RALYL: variants seen among roughly 807,000 people sequenced by gnomAD.
The protein encoded by RALYL is RNA-binding Raly-like protein.
A neutral mutation model predicts 35.1 loss-of-function variants in RALYL; 29 were observed. The ratio of observed to expected loss-of-function variants is 0.83; its 90% CI spans 0.61 to 1.13. The LOEUF (loss-of-function observed/expected upper bound fraction) is 1.13, where lower values mean the gene tolerates loss of function less well. Among genes scored for constraint, RALYL ranks in the 50% most tolerant of loss-of-function variants. The pLI is 0.00. For missense variants in RALYL, 359 were observed against 360.4 expected (o/e 1.00, Z 0.03); for synonymous variants, 120 against 127.6 (o/e 0.94, Z 0.40).
intron 1 of RALYL, among the ~76,000 whole-genome samples, chr8:84,494,648 T>A (rs1026405573): frequency 1.3e-5 from 2 of 152,116 alleles, no homozygotes; most frequent in South Asian, 4.1e-4. Flanking sequence ...TATTTTATTC[T>A]CTTTGTAGCA....
intron 1 of RALYL, among the ~76,000 whole-genome samples, chr8:84,294,267 T>G (rs1839337375): frequency 6.6e-6 from 1 of 152,158 alleles, no homozygotes; most frequent in Non-Finnish European, 1.5e-5. Context: ...GAATTGTGCT[T>G]ATCTAAGTAC....
chr8:84,643,312 A>G (rs528735184), intron 2 of RALYL, among the ~76,000 whole-genome samples: 1 of 152,140 alleles, frequency 6.6e-6, no homozygotes, highest in East Asian at 1.9e-4. Flanking sequence ...CTAAATAGAG[A>G]AGAGCCCCAG....
chr8:84,448,273 G>A (rs999474141), intron 1 of RALYL, among the ~76,000 whole-genome samples: 1 of 151,946 alleles, frequency 6.6e-6, no homozygotes, highest in Non-Finnish European at 1.5e-5. Flanking sequence ...AGGTGTACAA[G>A]CATGAATGAG....
intron 1 of RALYL, chr8:84,185,256 T>G (rs984818465): frequency 5.4e-6 from 3 of 557,710 alleles, no homozygotes; most frequent in Non-Finnish European, 9.6e-6. Context: ...TGCCTTTTAT[T>G]TAAATTTTGT....
At chr8:84,629,008 C>A (rs1210444044) in intron 2 of RALYL, among the ~76,000 whole-genome samples, 1 of 151,944 alleles carries the variant, frequency 6.6e-6, no homozygotes, top group African/African-American at 2.4e-5. Flanking sequence ...GCCTGATTGA[C>A]TCAGCAAAAA....
chr8:84,898,389 G>C (rs1448901879), intron 8 of RALYL, among the ~76,000 whole-genome samples: 1 of 152,108 alleles, frequency 6.6e-6, no homozygotes, highest in Non-Finnish European at 1.5e-5. Context: ...AATGACAGGG[G>C]CCACAAGCCA....
chr8:84,334,692 A>C (rs1442067436), intron 1 of RALYL, among the ~76,000 whole-genome samples: 1 of 152,062 alleles, frequency 6.6e-6, no homozygotes, highest in Non-Finnish European at 1.5e-5. Context: ...CCTAATCCAC[A>C]ATCCAATCCA....
At chr8:84,379,449 C>A (rs897987020) in intron 1 of RALYL, among the ~76,000 whole-genome samples, 3 of 151,762 alleles carry the variant, frequency 2.0e-5, no homozygotes, top group Admixed American at 2.0e-4. Context: ...TACTTTCTAG[C>A]ATTCATATTA....
At chr8:84,293,897 A>C (rs1206372746) in intron 1 of RALYL, among the ~76,000 whole-genome samples, 1 of 151,132 alleles carries the variant, frequency 6.6e-6, no homozygotes, top group Non-Finnish European at 1.5e-5. Flanking sequence ...CTTATGTATG[A>C]AATTCAGTTT....
chr8:84,882,296 G>A (rs1018929422), intron 7 of RALYL, among the ~76,000 whole-genome samples: 1 of 151,974 alleles, frequency 6.6e-6, no homozygotes, highest in Non-Finnish European at 1.5e-5. Context: ...AAAGATGCCA[G>A]TGTTCGAAGG....
intron 2 of RALYL, among the ~76,000 whole-genome samples, chr8:84,742,049 T>C (rs1198844544): frequency 6.6e-6 from 1 of 151,872 alleles, no homozygotes; most frequent in Non-Finnish European, 1.5e-5. Context: ...AAAGAAAAGT[T>C]TGTGGTCATA....
intron 2 of RALYL, among the ~76,000 whole-genome samples, chr8:84,641,283 C>T (rs1826260263): frequency 6.6e-6 from 1 of 151,484 alleles, no homozygotes; most frequent in African/African-American, 2.4e-5. Context: ...CATAAGAATA[C>T]AACTTACAGA....
chr8:84,325,328 A>C (rs753936733), intron 1 of RALYL, among the ~76,000 whole-genome samples: 15 of 152,234 alleles, frequency 9.9e-5, no homozygotes, highest in South Asian at 4.1e-4. Context: ...GATTCTTAAT[A>C]AATTTACTAA....
intron 1 of RALYL, among the ~76,000 whole-genome samples, chr8:84,345,784 G>A (rs1338441810): frequency 2.0e-5 from 3 of 152,068 alleles, no homozygotes; most frequent in Non-Finnish European, 2.9e-5. Flanking sequence ...ATGAGTGAAC[G>A]AGAAAGACTT....
chr8:84,361,920 A>C (rs1853125756), intron 1 of RALYL, among the ~76,000 whole-genome samples: 1 of 152,178 alleles, frequency 6.6e-6, no homozygotes, highest in Non-Finnish European at 1.5e-5. Flanking sequence ...TTATTTTCAC[A>C]TGCTGGCTGT....
intron 8 of RALYL, among the ~76,000 whole-genome samples, chr8:84,907,808 T>C (rs1328378277): frequency 1.3e-5 from 2 of 151,998 alleles, no homozygotes; most frequent in Non-Finnish European, 2.9e-5. Context: ...AAACCAAGCA[T>C]CTCTTTTCAT....
intron 1 of RALYL, among the ~76,000 whole-genome samples, chr8:84,496,650 C>A (rs991964093): frequency 3.9e-5 from 6 of 152,190 alleles, no homozygotes; most frequent in Middle Eastern, 3.4e-3. Flanking sequence ...CATTATTATT[C>A]TTATGTGTAT....
chr8:84,800,349 AACT>A (rs1822949173), intron 3 of RALYL, among the ~76,000 whole-genome samples: 1 of 152,242 alleles, frequency 6.6e-6, no homozygotes, highest in Non-Finnish European at 1.5e-5. Context: ...ATAAAATGAG[AACT>A]ACCTCAGATT....
intron 7 of RALYL, among the ~76,000 whole-genome samples, chr8:84,882,566 C>T (rs144459750): frequency 2.2e-4 from 34 of 152,096 alleles, no homozygotes; most frequent in African/African-American, 7.9e-4. Flanking sequence ...GAATTTGACA[C>T]ATTTGATATT....
Sources: allele counts gnomAD v4.1 joint callset (sites outside exome capture counted in the v4.1 genomes callset), GRCh38; gene constraint gnomAD v4.1.1; transcripts MANE v1.5; gene names NCBI Gene and HGNC (gene_info 2026-07-23, HGNC 2026-07-21).